Variants in PCNX2 observed in about 807,000 individuals in gnomAD.
The protein encoded by PCNX2 is pecanex 2, also known as pecanex-like protein 2.
In PCNX2, 168 loss-of-function variants were observed where a neutral mutation model predicts 223.8. The ratio of observed to expected loss-of-function variants is 0.75; its 90% CI spans 0.66 to 0.85. The LOEUF is 0.85. PCNX2 is among the 40% of genes least tolerant of loss of function. The pLI, the probability that PCNX2 is intolerant of heterozygous loss-of-function variation, is 0.00. For missense variants in PCNX2, 2,507 were observed against 2,675.5 expected (o/e 0.94, Z 1.39); for synonymous variants, 1,006 against 1,052.6 (o/e 0.96, Z 0.86).
chr1:233,251,963 C>A (rs1659478356), intron 7 of PCNX2, among the ~76,000 whole-genome samples: 1 of 152,222 alleles, frequency 6.6e-6, no homozygotes, highest in African/African-American at 2.4e-5. Context: ...GCATTGCCCT[C>A]TTGAAGTTGA....
At chr1:232,987,793 G>A (rs1037339659) in intron 32 of PCNX2, among the ~76,000 whole-genome samples, 1 of 152,206 alleles carries the variant, frequency 6.6e-6, no homozygotes, top group Non-Finnish European at 1.5e-5. Context: ...AGGCTGAAGG[G>A]GCCTTTCTGC....
chr1:233,106,308 C>G (rs1041870452), intron 21 of PCNX2, among the ~76,000 whole-genome samples: 2 of 151,120 alleles, frequency 1.3e-5, no homozygotes, highest in African/African-American at 4.9e-5. Flanking sequence ...GGAGAAGAAG[C>G]AGCTTCCTGG....
intron 18 of PCNX2, 115 bp downstream of exon 18, chr1:233,161,156 A>C: frequency 2.3e-6 from 2 of 868,368 alleles, no homozygotes; most frequent in Non-Finnish European, 3.7e-6. Flanking sequence ...CTCAGCGGGC[A>C]TTTTGTTTTC....
chr1:233,027,095 T>C (rs1266855720), intron 25 of PCNX2, among the ~76,000 whole-genome samples: 1 of 145,458 alleles, frequency 6.9e-6, no homozygotes, highest in East Asian at 2.0e-4. Context: ...AGAGCAGAAA[T>C]GGCAAGTGAG....
At chr1:233,234,684 T>C (rs1658279110) in intron 9 of PCNX2, among the ~76,000 whole-genome samples, 1 of 152,222 alleles carries the variant, frequency 6.6e-6, no homozygotes, top group Non-Finnish European at 1.5e-5. Flanking sequence ...CTAGCTCTTC[T>C]ACTCATGAAA....
chr1:233,154,892 A>C (rs1431018898), intron 19 of PCNX2, among the ~76,000 whole-genome samples: 1 of 152,036 alleles, frequency 6.6e-6, no homozygotes, highest in Non-Finnish European at 1.5e-5. Flanking sequence ...AACATAGTGA[A>C]ACCCTGTCTC....
At chr1:233,200,105 T>C (rs943339145) in intron 14 of PCNX2, 49 bp downstream of exon 14, 1 of 1,422,536 alleles carries the variant, frequency 7.0e-7, no homozygotes, top group Non-Finnish European at 9.6e-7. Flanking sequence ...TTAGTCCTTA[T>C]CTGAACTCTG....
chr1:233,021,790 C>A (rs12117527), intron 26 of PCNX2, among the ~76,000 whole-genome samples: 1 of 152,174 alleles, frequency 6.6e-6, no homozygotes, highest in Admixed American at 6.5e-5. Flanking sequence ...TCTGGGGGAG[C>A]CTTCCTGAGC....
chr1:233,040,953 C>T (rs1359163246), intron 25 of PCNX2, among the ~76,000 whole-genome samples: 2 of 152,144 alleles, frequency 1.3e-5, no homozygotes, highest in East Asian at 1.9e-4. Flanking sequence ...TTCCTCTAAT[C>T]GTTCAACTTC....
chr1:233,018,096 C>T (rs1670748105), intron 26 of PCNX2, among the ~76,000 whole-genome samples: 1 of 152,202 alleles, frequency 6.6e-6, no homozygotes, highest in Admixed American at 6.5e-5. Context: ...AGTCATGGCT[C>T]ACTGAAGCCT....
chr1:233,223,365 C>T (rs1483676408), intron 10 of PCNX2, among the ~76,000 whole-genome samples: 1 of 152,156 alleles, frequency 6.6e-6, no homozygotes, highest in Non-Finnish European at 1.5e-5. Flanking sequence ...TGGAAACAAA[C>T]ACAGGCAACC....
chr1:233,164,500 C>G (rs889622042), intron 17 of PCNX2, among the ~76,000 whole-genome samples: 15 of 151,992 alleles, frequency 9.9e-5, no homozygotes, highest in African/African-American at 3.4e-4. Context: ...AGGCTTAATA[C>G]AGCATTATTC....
At chr1:233,065,240 T>G (rs1006755580) in intron 23 of PCNX2, among the ~76,000 whole-genome samples, 2 of 152,198 alleles carry the variant, frequency 1.3e-5, no homozygotes, top group African/African-American at 4.8e-5. Context: ...CATACATGTG[T>G]GCTCACAGGC....
intron 32 of PCNX2, among the ~76,000 whole-genome samples, chr1:232,994,215 AGCT>A (rs1225045975): frequency 6.6e-6 from 1 of 152,256 alleles, no homozygotes; most frequent in African/African-American, 2.4e-5. Context: ...CCATGAAAAC[AGCT>A]GCAGGGACTG....
intron 23 of PCNX2, among the ~76,000 whole-genome samples, chr1:233,078,614 G>GC (rs1325208974): frequency 6.6e-6 from 1 of 152,138 alleles, no homozygotes; most frequent in African/African-American, 2.4e-5. Flanking sequence ...CACTCACAAA[G>GC]CCTCGCTCCT....
chr1:233,066,311 C>T (rs1300930962), intron 23 of PCNX2, among the ~76,000 whole-genome samples: 1 of 152,192 alleles, frequency 6.6e-6, no homozygotes, highest in Non-Finnish European at 1.5e-5. Context: ...TTCACTGGAC[C>T]ATGGGAAAGA....
chr1:233,181,266 C>T (rs952921503), intron 15 of PCNX2, among the ~76,000 whole-genome samples: 2 of 148,270 alleles, frequency 1.3e-5, no homozygotes, highest in African/African-American at 5.0e-5. Flanking sequence ...GTCATACAAT[C>T]TCAGCTCACT....
intron 1 of PCNX2, among the ~76,000 whole-genome samples, chr1:233,289,809 C>T (rs896514650): frequency 8.3e-6 from 1 of 120,968 alleles, no homozygotes; most frequent in Non-Finnish European, 2.0e-5. Context: ...AGAATGGCAA[C>T]GTGCCAAGCA....
intron 1 of PCNX2, among the ~76,000 whole-genome samples, chr1:233,267,504 T>C (rs946998414): frequency 6.6e-6 from 1 of 152,032 alleles, no homozygotes; most frequent in African/African-American, 2.4e-5. Context: ...CTGTACCCAT[T>C]AAACACTAAC....
Sources: gnomAD v4.1 joint callset for allele counts (sites outside exome capture counted in the v4.1 genomes callset) on GRCh38, gnomAD v4.1.1 for gene constraint, MANE v1.5 for transcripts, NCBI Gene and HGNC (gene_info 2026-07-23, HGNC 2026-07-21) for gene names.